FBXO4: variants seen among roughly 807,000 people sequenced by gnomAD.
FBXO4 encodes F-box only protein 4.
Under a neutral mutation model 43.7 loss-of-function variants are expected in FBXO4, and 36 were observed. The ratio of observed to expected loss-of-function variants is 0.82; its 90% CI spans 0.63 to 1.09. FBXO4 has a LOEUF of 1.09. Ranked by LOEUF, FBXO4 falls within the 50% of genes least tolerant of loss-of-function variation. The pLI is 0.00. For missense variants in FBXO4, 435 were observed against 474.1 expected, an observed-to-expected ratio of 0.92 and a Z score of 0.77; for synonymous variants, 180 against 165.6, an observed-to-expected ratio of 1.09 and a Z score of -0.67.
the FBXO4 span, among the ~76,000 whole-genome samples, chr5:41,994,969 C>G: frequency 6.6e-6 from 1 of 152,138 alleles, no homozygotes; most frequent in African/African-American, 2.4e-5. Flanking sequence ...CTACCATATA[C>G]TGGGTGCTGA....
chr5:41,942,314 A>G (rs1470565039), downstream of FBXO4, among the ~76,000 whole-genome samples: 1 of 152,064 alleles, frequency 6.6e-6, no homozygotes, highest in African/African-American at 2.4e-5. Context: ...TAGTTTTACT[A>G]TGGTGAGGCA....
Position 41,939,550 on chromosome 5 carries a change from A to AAAAAGAAT in FBXO4, c.1009_1016dup (p.Met339IlefsTer15), listed in dbSNP as rs1751944114. On this transcript the variant is annotated frameshift_variant, in exon 6 of 7. Transcript: ENST00000281623. LOFTEE classifies it high-confidence loss of function. ...TATCTTGTATTTCTCAAGGGGATGT[A>AAAAAGAAT]AAAAGAATGCCCTGTTTTTATTTGG... 4 of 1,613,878 alleles carry AAAAAGAAT rather than the reference A, an allele frequency of 2.5e-6. No homozygotes were observed. Among genetic ancestry groups the AAAAAGAAT allele is most frequent in the Non-Finnish European group, 3.4e-6 (4 of 1,179,854 alleles).
the FBXO4 span, among the ~76,000 whole-genome samples, chr5:42,031,285 G>T: frequency 6.6e-6 from 1 of 151,838 alleles, no homozygotes; most frequent in Non-Finnish European, 1.5e-5. Context: ...GCCATAAAAC[G>T]TGATGAGTTC....
intron 2 of FBXO4, among the ~76,000 whole-genome samples, chr5:41,928,005 A>C (rs1751559731): frequency 6.6e-6 from 1 of 152,224 alleles, no homozygotes; most frequent in South Asian, 2.1e-4. Context: ...ATTCTTTAAA[A>C]ATTGTTGTGC....
the FBXO4 span, among the ~76,000 whole-genome samples, chr5:41,980,432 G>A: frequency 2.5e-4 from 38 of 152,118 alleles, no homozygotes; most frequent in Admixed American, 5.2e-4. Flanking sequence ...TCCTTACTCC[G>A]TTTTCTTTAA....
At chr5:41,959,008 C>G in the FBXO4 span, among the ~76,000 whole-genome samples, 1 of 152,146 alleles carries the variant, frequency 6.6e-6, no homozygotes, top group Non-Finnish European at 1.5e-5. Flanking sequence ...AATTTACATT[C>G]CAACCAACAA....
the FBXO4 span, among the ~76,000 whole-genome samples, chr5:41,983,900 ATAT>A: frequency 1.1e-4 from 17 of 151,998 alleles, no homozygotes; most frequent in Non-Finnish European, 2.4e-4. Context: ...CAATACTTAA[ATAT>A]TATCATTTGA....
At chr5:42,020,482 G>A in the FBXO4 span, among the ~76,000 whole-genome samples, 1 of 152,132 alleles carries the variant, frequency 6.6e-6, no homozygotes, top group Non-Finnish European at 1.5e-5. Context: ...TTAGGATTAT[G>A]TTTATCTGTG....
At chr5:41,993,393 G>A in the FBXO4 span, among the ~76,000 whole-genome samples, 10 of 151,980 alleles carry the variant, frequency 6.6e-5, no homozygotes, top group African/African-American at 2.4e-4. Context: ...TTTGTGGAAT[G>A]ATTACTGAAA....
chr5:41,963,496 T>C, the FBXO4 span, among the ~76,000 whole-genome samples: 4 of 152,180 alleles, frequency 2.6e-5, no homozygotes, highest in African/African-American at 9.7e-5. Context: ...TCCCAAAACT[T>C]AGCTACTAAT....
At chr5:42,011,514 T>C in the FBXO4 span, among the ~76,000 whole-genome samples, 6 of 152,350 alleles carry the variant, frequency 3.9e-5, no homozygotes, top group Non-Finnish European at 1.5e-5. Context: ...TATTCTGTTA[T>C]AGCAACACCA....
chr5:42,024,358 G>A, the FBXO4 span, among the ~76,000 whole-genome samples: 1 of 151,940 alleles, frequency 6.6e-6, no homozygotes, highest in Non-Finnish European at 1.5e-5. Flanking sequence ...TGTTGTCTGT[G>A]TAACAGAATG....
chr5:41,981,390 T>A, the FBXO4 span, among the ~76,000 whole-genome samples: 18 of 151,862 alleles, frequency 1.2e-4, no homozygotes, highest in East Asian at 1.3e-3. Context: ...AATTTTTTTT[T>A]AAATGGTAAA....
At chr5:41,999,478 CACATATATATATAT>C in the FBXO4 span, among the ~76,000 whole-genome samples, 166 of 27,902 alleles carry the variant, frequency 5.9e-3, 3 homozygotes, top group African/African-American at 0.012. Flanking sequence ...TATATATATA[CACATATATATATAT>C]ACATATATAT....
chr5:41,930,463 A>G (rs1355448960), intron 3 of FBXO4, among the ~76,000 whole-genome samples: 1 of 152,180 alleles, frequency 6.6e-6, no homozygotes, highest in Non-Finnish European at 1.5e-5. Flanking sequence ...CCTTCAAGAT[A>G]GGTGTAGGTG....
rs1424833660 is a variant in FBXO4, at chr5:41,929,344, G to C, written c.426-353G>C. On this transcript the variant is annotated intron_variant, in intron 2 of 6. Coordinates refer to ENST00000281623, the MANE Select transcript of FBXO4 (RefSeq NM_012176.3). Reference sequence around the variant, plus strand: ...GTTCAGACATTGCCAAATGTTCCAGGGGGGCAGGGATAAACCTCCTAGGGT... The same window carrying C: ...GTTCAGACATTGCCAAATGTTCCAGCGGGGCAGGGATAAACCTCCTAGGGT... Among the ~76,000 whole-genome samples, 2 of 151,942 alleles carry C rather than the reference G, an allele frequency of 1.3e-5. 1 individual carries two copies. The highest frequency in any genetic ancestry group is 4.1e-4 in the South Asian group (2 of 4,822).
At chr5:42,018,883 G>A in the FBXO4 span, among the ~76,000 whole-genome samples, 1 of 152,082 alleles carries the variant, frequency 6.6e-6, no homozygotes, top group Non-Finnish European at 1.5e-5. Flanking sequence ...ACTCAACTAG[G>A]GAGAGAAATG....
the FBXO4 span, chr5:41,951,489 A>G: frequency 4.1e-6 from 1 of 245,076 alleles, no homozygotes; most frequent in Non-Finnish European, 7.8e-6. Context: ...GTAGCAGTGA[A>G]CTCAGGTGCT....
chr5:41,930,302 A>G, intron 3 of FBXO4: 1 of 72,880 alleles, frequency 1.4e-5, no homozygotes, highest in East Asian at 2.1e-4. Flanking sequence ...CCCTCTTTCT[A>G]TTAAAAAAAA....
Sources: allele counts gnomAD v4.1 joint callset (sites outside exome capture counted in the v4.1 genomes callset), GRCh38; gene constraint gnomAD v4.1.1; transcripts MANE v1.5; gene names NCBI Gene and HGNC (gene_info 2026-07-23, HGNC 2026-07-21).